Variants in PCDHA1 observed in about 807,000 individuals in gnomAD.
PCDHA1 encodes protocadherin alpha 1, also known as protocadherin alpha-1.
A neutral mutation model predicts 61.3 loss-of-function variants in PCDHA1; 42 were observed. The observed-to-expected ratio is 0.69, with a 90% CI of 0.54 to 0.89. PCDHA1 has a LOEUF of 0.89. Among genes scored for constraint, PCDHA1 ranks in the 40% least tolerant of loss-of-function variants. PCDHA1 has a pLI of 0.00. For missense variants in PCDHA1, 1,256 were observed against 1,235.3 expected, an observed-to-expected ratio of 1.02 and a Z score of -0.25; for synonymous variants, 610 against 553.8, an observed-to-expected ratio of 1.10 and a Z score of -1.43.
chr5:140,858,155 T>C (rs782113419), intron 1 of PCDHA1: 1 of 1,597,742 alleles, frequency 6.3e-7, no homozygotes, highest in African/African-American at 1.3e-5. Context: ...CATCGCCATC[T>C]GCGCGGTGTC....
chr5:140,871,401 G>A (rs1400127439), intron 1 of PCDHA1: 4 of 1,614,086 alleles, frequency 2.5e-6, no homozygotes, highest in South Asian at 1.1e-5. Flanking sequence ...CACCTAAGAC[G>A]GACCTCATGG....
At chr5:140,843,111 T>TGAA (rs2150352902) in intron 1 of PCDHA1, 1 of 1,595,832 alleles carries the variant, frequency 6.3e-7, no homozygotes, top group South Asian at 1.1e-5. Context: ...GTGCGCGCAG[T>TGAA]GGACGCCGAC....
At chr5:140,828,655 C>T (rs1769872389) in intron 1 of PCDHA1, 1 of 1,613,992 alleles carries the variant, frequency 6.2e-7, no homozygotes, top group Non-Finnish European at 8.5e-7. Context: ...ACAGTGATGA[C>T]AATAAACAAA....
intron 1 of PCDHA1, among the ~76,000 whole-genome samples, chr5:140,938,975 C>T (rs1249900927): frequency 6.6e-6 from 1 of 152,188 alleles, no homozygotes; most frequent in African/African-American, 2.4e-5. Flanking sequence ...GGCATCAAGG[C>T]TATCCTGGCT....
chr5:140,870,655 G>A (rs1554164527), intron 1 of PCDHA1: 1 of 1,612,540 alleles, frequency 6.2e-7, no homozygotes, highest in Non-Finnish European at 8.5e-7. Context: ...CAAGGTGTAC[G>A]CGCTGCAGCC....
intron 1 of PCDHA1, chr5:140,803,902 G>A (rs148942998): frequency 1.9e-5 from 10 of 521,974 alleles, no homozygotes; most frequent in Non-Finnish European, 3.4e-5. Flanking sequence ...ATTATTTAGA[G>A]AATCTGACTT....
chr5:140,836,231 C>T, intron 1 of PCDHA1: 3 of 1,613,742 alleles, frequency 1.9e-6, no homozygotes, highest in East Asian at 2.2e-5. Flanking sequence ...CGGTGGCGGC[C>T]GGTGCGAGCA....
At chr5:140,829,918 T>C (rs1770676846) in intron 1 of PCDHA1, 2 of 1,613,992 alleles carry the variant, frequency 1.2e-6, no homozygotes, top group East Asian at 4.5e-5. Context: ...GGCTTTCGTA[T>C]GAGCTGCAGC....
chr5:140,787,760 G>T lies in PCDHA1; in HGVS notation c.1470G>T (p.Val490=), dbSNP rs1761399558. The T allele has an allele frequency of 6.2e-7, 1 of 1,613,144 alleles. No individual in the cohort carries two copies. Among genetic ancestry groups the T allele is most frequent in the Non-Finnish European group, 8.5e-7 (1 of 1,179,852 alleles). ...RDADAQENAL[V]SYSLVERRVG... ...CGGACGCGCAGGAGAACGCGCTGGT[G>T]TCCTATTCGCTGGTGGAACGGCGGG... The change falls in exon 1 of 4, where the codon GTG becomes GTT. Residue 490 remains valine, a synonymous_variant. Transcript: ENST00000504120.
chr5:140,881,494 A>G (rs1483226847), intron 1 of PCDHA1: 1 of 293,548 alleles, frequency 3.4e-6, no homozygotes, highest in African/African-American at 2.3e-5. Flanking sequence ...GTTTATGCAC[A>G]TACACACACT....
chr5:140,839,000 A>G (rs190109951), intron 1 of PCDHA1, among the ~76,000 whole-genome samples: 4 of 152,212 alleles, frequency 2.6e-5, no homozygotes, highest in Admixed American at 2.6e-4. Flanking sequence ...ATTCTAATAT[A>G]CTTTAGTAAA....
At chr5:140,898,676 G>C (rs1478380529) in intron 1 of PCDHA1, among the ~76,000 whole-genome samples, 3 of 152,036 alleles carry the variant, frequency 2.0e-5, no homozygotes, top group African/African-American at 4.8e-5. Context: ...GTTGCGGGCT[G>C]TTTTTTGGTT....
intron 1 of PCDHA1, chr5:140,804,821 G>T (rs543523622): frequency 1.4e-5 from 5 of 370,086 alleles, no homozygotes; most frequent in Non-Finnish European, 2.4e-5. Flanking sequence ...ACTGAAACCT[G>T]GTTAATACTC....
At chr5:140,877,207 G>C in intron 1 of PCDHA1, 3 of 1,613,796 alleles carry the variant, frequency 1.9e-6, no homozygotes, top group Non-Finnish European at 2.5e-6. Context: ...CGCAGTTAGC[G>C]AGTTGGTACC....
chr5:140,821,911 C>T lies in PCDHA1; in HGVS notation c.2394+33227C>T, dbSNP rs2150111872. ...AGCCAAACACGGAACCTTCGTTGGC[C>T]GCATCGCGCAGGACCTAGGGCTGGA... On this transcript the variant is annotated intron_variant, in intron 1 of 3. Transcript: ENST00000504120. 1.1e-5 allele frequency: 18 copies of T among 1,614,234 alleles called. No individual in the cohort carries two copies. In the East Asian group the frequency reaches 3.3e-4, roughly 30 times the overall value.
chr5:141,000,689 A>G (rs1469257297), intron 3 of PCDHA1, among the ~76,000 whole-genome samples: 1 of 151,438 alleles, frequency 6.6e-6, no homozygotes, highest in African/African-American at 2.4e-5. Context: ...CTGCCTCCCA[A>G]AGTGCTGGGA....
At chr5:140,982,650 CTCTTTT>C (rs2096993978) in intron 3 of PCDHA1, 87 bp downstream of exon 3, 1 of 1,507,000 alleles carries the variant, frequency 6.6e-7, no homozygotes, top group South Asian at 1.3e-5. Context: ...ATGTTGATGG[CTCTTTT>C]TCTTTTATAT....
intron 3 of PCDHA1, among the ~76,000 whole-genome samples, chr5:140,994,479 G>A (rs1229761223): frequency 1.3e-5 from 2 of 152,094 alleles, no homozygotes; most frequent in African/African-American, 4.8e-5. Context: ...GAGGCGGGTG[G>A]ATTGCCTGAA....
intron 3 of PCDHA1, among the ~76,000 whole-genome samples, chr5:140,992,118 G>C (rs1554252679): frequency 1.3e-5 from 2 of 151,650 alleles, no homozygotes; most frequent in Non-Finnish European, 2.9e-5. Flanking sequence ...ATGTGTCATG[G>C]AAGAACAGTG....
Sources: gnomAD v4.1 joint callset for allele counts (sites outside exome capture counted in the v4.1 genomes callset) on GRCh38, gnomAD v4.1.1 for gene constraint, MANE v1.5 for transcripts, NCBI Gene and HGNC (gene_info 2026-07-23, HGNC 2026-07-21) for gene names.